SLC26A8: variants seen among roughly 807,000 people sequenced by gnomAD.
SLC26A8 encodes the protein solute carrier family 26 member 8.
SLC26A8 carries 70 observed loss-of-function variants against 105.0 expected under a neutral mutation model. The ratio of observed to expected loss-of-function variants is 0.67; its 90% CI spans 0.55 to 0.81. The LOEUF is 0.81. Ranked by LOEUF, SLC26A8 falls within the 40% of genes least tolerant of loss-of-function variation. SLC26A8 has a pLI of 0.00. For synonymous variants in SLC26A8, 415 were observed against 438.3 expected (o/e 0.95, Z 0.66); for missense variants, 998 against 1,181.8 (o/e 0.84, Z 2.28).
At chr6:35,993,151 T>C (rs1175588851) in intron 5 of SLC26A8, among the ~76,000 whole-genome samples, 1 of 128,010 alleles carries the variant, frequency 7.8e-6, no homozygotes, top group Non-Finnish European at 1.6e-5. Context: ...ATGCTCACAC[T>C]GGGCATTTTT....
chr6:35,983,266 A>G (rs1773353165), intron 7 of SLC26A8, among the ~76,000 whole-genome samples: 1 of 152,214 alleles, frequency 6.6e-6, no homozygotes. Context: ...TATAATTAAG[A>G]GGCAAGAAGT....
At chr6:36,016,220 C>T (rs1337232255) in intron 2 of SLC26A8, among the ~76,000 whole-genome samples, 1 of 152,076 alleles carries the variant, frequency 6.6e-6, no homozygotes, top group Non-Finnish European at 1.5e-5. Flanking sequence ...TCTCAAACTC[C>T]TGACCTCAGT....
intron 5 of SLC26A8, among the ~76,000 whole-genome samples, chr6:35,994,968 A>G (rs918861230): frequency 2.0e-5 from 3 of 152,220 alleles, no homozygotes; most frequent in Admixed American, 2.0e-4. Flanking sequence ...ATCTGGCTTC[A>G]GTCCTGGCCC....
chr6:36,006,845 C>A (rs1581691113), intron 3 of SLC26A8, among the ~76,000 whole-genome samples: 1 of 152,228 alleles, frequency 6.6e-6, no homozygotes, highest in South Asian at 2.1e-4. Flanking sequence ...TCAAAAAAAT[C>A]AATTAATGTA....
chr6:35,951,584 T>C (rs1771875144), intron 17 of SLC26A8, 85 bp from the exon 18 acceptor site: 2 of 1,503,264 alleles, frequency 1.3e-6, no homozygotes, highest in African/African-American at 1.4e-5. Flanking sequence ...TGTCTTGTTT[T>C]GTTTTGGTTT....
At chr6:36,015,142 C>T (rs1439193737) in intron 2 of SLC26A8, among the ~76,000 whole-genome samples, 1 of 145,514 alleles carries the variant, frequency 6.9e-6, no homozygotes, top group East Asian at 2.1e-4. Flanking sequence ...GAGTCTCACT[C>T]TGTAGCCCAG....
At chr6:35,988,591 T>C (rs1334433780) in intron 7 of SLC26A8, among the ~76,000 whole-genome samples, 3 of 151,896 alleles carry the variant, frequency 2.0e-5, no homozygotes, top group Non-Finnish European at 4.4e-5. Flanking sequence ...GCCGAGATCA[T>C]GCCACTGCAC....
At chr6:36,007,372 A>T (rs916064068) in intron 3 of SLC26A8, among the ~76,000 whole-genome samples, 5 of 152,156 alleles carry the variant, frequency 3.3e-5, no homozygotes, top group Non-Finnish European at 7.4e-5. Context: ...CCTAAAATGA[A>T]ATACTTTGGC....
intron 16 of SLC26A8, 127 bp from the exon 17 acceptor site, chr6:35,955,647 G>A: frequency 8.2e-7 from 1 of 1,216,948 alleles, no homozygotes; most frequent in Non-Finnish European, 1.1e-6. Flanking sequence ...CCCGAGAGTA[G>A]GTACTGTGCA....
chr6:36,012,421 C>A, intron 2 of SLC26A8, 49 bp from the exon 3 acceptor site: 1 of 1,527,520 alleles, frequency 6.5e-7, no homozygotes, highest in South Asian at 1.3e-5. Context: ...AAAGAAAATG[C>A]CCGCATAGCC....
At chr6:35,985,955 T>A (rs1276499004) in intron 7 of SLC26A8, among the ~76,000 whole-genome samples, 2 of 149,734 alleles carry the variant, frequency 1.3e-5, no homozygotes, top group Non-Finnish European at 3.0e-5. Flanking sequence ...TGTTTTAAAA[T>A]ATATATATAT....
chr6:35,994,278 C>T (rs1761283447), intron 5 of SLC26A8, among the ~76,000 whole-genome samples: 1 of 151,714 alleles, frequency 6.6e-6, no homozygotes, highest in African/African-American at 2.4e-5. Context: ...CCAAGCCCGG[C>T]TAATTTTTTG....
chr6:35,966,970 C>A (rs1039274589), intron 11 of SLC26A8, among the ~76,000 whole-genome samples: 1 of 152,208 alleles, frequency 6.6e-6, no homozygotes, highest in African/African-American at 2.4e-5. Flanking sequence ...AATTCTGCTT[C>A]ATTTAGTTGT....
At chr6:35,993,156 A>AAT (rs1562054653) in intron 5 of SLC26A8, among the ~76,000 whole-genome samples, 11 of 87,554 alleles carry the variant, frequency 1.3e-4, no homozygotes, top group Non-Finnish European at 1.5e-4. Context: ...CACACTGGGC[A>AAT]TTTTTTTTTT....
chr6:36,015,629 A>G (rs1581700125), intron 2 of SLC26A8, among the ~76,000 whole-genome samples: 1 of 152,182 alleles, frequency 6.6e-6, no homozygotes, highest in Admixed American at 6.5e-5. Context: ...TAATGAGGGT[A>G]AAGTTAGGGA....
intron 10 of SLC26A8, among the ~76,000 whole-genome samples, chr6:35,972,876 A>G (rs1772850733): frequency 1.3e-5 from 2 of 152,170 alleles, no homozygotes; most frequent in African/African-American, 4.8e-5. Context: ...CAATGAGTGC[A>G]TTTGGCACAG....
At position 35,962,625 on chromosome 6, in the gene SLC26A8, TG is replaced by T. The variant is rs1372007461; in HGVS notation, c.1366-5del. ...GAATAATACCAGCCAGCACAGCCTG[TG>T]GGGAAAAGATAAATCATGGTTCATT... On this transcript the variant is annotated splice_polypyrimidine_tract_variant and splice_region_variant and intron_variant, in intron 11 of 19. Coordinates refer to ENST00000490799, the MANE Select transcript of SLC26A8 (RefSeq NM_052961.4). 2 of 1,613,882 alleles carry T rather than the reference TG, an allele frequency of 1.2e-6. No individual in the cohort carries two copies. Among genetic ancestry groups the T allele is most frequent in the South Asian group, 2.2e-5 (2 of 91,068 alleles).
intron 8 of SLC26A8, among the ~76,000 whole-genome samples, chr6:35,980,444 G>A (rs1301052907): frequency 1.3e-5 from 2 of 152,132 alleles, no homozygotes; most frequent in Non-Finnish European, 1.5e-5. Flanking sequence ...TTTCCTTAGC[G>A]TAAAAAAGAA....
chr6:35,976,203 A>T (rs558850819), intron 9 of SLC26A8, among the ~76,000 whole-genome samples: 1 of 152,128 alleles, frequency 6.6e-6, no homozygotes, highest in East Asian at 2.0e-4. Flanking sequence ...AGGCAGGCAG[A>T]TTGTGAGGTC....
Sources: allele counts gnomAD v4.1 joint callset (sites outside exome capture counted in the v4.1 genomes callset), GRCh38; gene constraint gnomAD v4.1.1; transcripts MANE v1.5; gene names NCBI Gene and HGNC (gene_info 2026-07-23, HGNC 2026-07-21).